The following RPSA2 variants were observed in gnomAD, a reference collection of about 807,000 sequenced individuals.
The protein encoded by RPSA2 is ribosomal protein SA 2.
the RPSA2 span, among the ~76,000 whole-genome samples, chr19:23,792,749 G>A: frequency 2.0e-4 from 31 of 151,842 alleles, no homozygotes; most frequent in Admixed American, 2.0e-3. Context: ...TCCTGACCTC[G>A]TGATCTGCCC....
At chr19:23,784,343 G>C in the RPSA2 span, among the ~76,000 whole-genome samples, 1 of 152,152 alleles carries the variant, frequency 6.6e-6, no homozygotes, top group Non-Finnish European at 1.5e-5. Context: ...CTCACACATG[G>C]GCAGAGCCCA....
chr19:23,775,406 T>C, the RPSA2 span, among the ~76,000 whole-genome samples: 2 of 152,172 alleles, frequency 1.3e-5, no homozygotes, highest in Admixed American at 1.3e-4. Flanking sequence ...TTAACTCTCA[T>C]ATCTGGGCAT....
the RPSA2 span, among the ~76,000 whole-genome samples, chr19:23,804,336 G>A: frequency 0.98 from 145,900 of 149,298 alleles, 71,397 homozygotes; most frequent in Middle Eastern, 1. Context: ...TTGCTCTGTC[G>A]CCCAGGCTGG....
At chr19:23,806,612 C>A in the RPSA2 span, among the ~76,000 whole-genome samples, 1 of 151,378 alleles carries the variant, frequency 6.6e-6, no homozygotes, top group Non-Finnish European at 1.5e-5. Context: ...GGTGAAACCC[C>A]ATCCCTACAA....
At chr19:23,865,564 A>T in the RPSA2 span, among the ~76,000 whole-genome samples, 6 of 152,170 alleles carry the variant, frequency 3.9e-5, no homozygotes, top group Non-Finnish European at 8.8e-5. Flanking sequence ...TAAAAAACTC[A>T]TTTGTTCCTC....
the RPSA2 span, among the ~76,000 whole-genome samples, chr19:23,814,475 C>G: frequency 6.6e-6 from 1 of 152,120 alleles, no homozygotes; most frequent in African/African-American, 2.4e-5. Flanking sequence ...GTCAGTACCA[C>G]ATTGTGTTTG....
the RPSA2 span, among the ~76,000 whole-genome samples, chr19:23,801,385 T>C: frequency 2.0e-5 from 3 of 152,126 alleles, no homozygotes; most frequent in Admixed American, 1.3e-4. Flanking sequence ...ATTACAGGCA[T>C]GTGCCATCAC....
chr19:23,800,441 A>G, the RPSA2 span, among the ~76,000 whole-genome samples: 4 of 152,124 alleles, frequency 2.6e-5, no homozygotes, highest in Non-Finnish European at 5.9e-5. Context: ...ATAAGGTGCC[A>G]ACCAAGCTTT....
At chr19:23,840,129 C>A in the RPSA2 span, among the ~76,000 whole-genome samples, 1 of 152,254 alleles carries the variant, frequency 6.6e-6, no homozygotes, top group East Asian at 1.9e-4. Flanking sequence ...TGAATGTGTC[C>A]CAGGTCAAAA....
At chr19:23,798,714 T>C in the RPSA2 span, among the ~76,000 whole-genome samples, 1 of 152,212 alleles carries the variant, frequency 6.6e-6, no homozygotes. Context: ...CAGTAGATAT[T>C]AGTCTGCTAT....
chr19:23,828,143 A>G, the RPSA2 span: 1 of 685,434 alleles, frequency 1.5e-6, no homozygotes, highest in Non-Finnish European at 2.5e-6. Context: ...AAATGCTGCA[A>G]TAATTATGAG....
At chr19:23,761,424 G>C in the RPSA2 span, among the ~76,000 whole-genome samples, 1 of 152,058 alleles carries the variant, frequency 6.6e-6, no homozygotes. Context: ...TATGAGCTAT[G>C]GTTGTGCCAC....
the RPSA2 span, chr19:23,808,689 G>C: frequency 5.0e-6 from 3 of 594,942 alleles, no homozygotes; most frequent in South Asian, 4.4e-5. Flanking sequence ...ATATGAGCAA[G>C]ATTCATGTTA....
chr19:23,826,621 C>A, the RPSA2 span, among the ~76,000 whole-genome samples: 3 of 152,028 alleles, frequency 2.0e-5, no homozygotes, highest in African/African-American at 7.2e-5. Flanking sequence ...TTGCATAATG[C>A]CATCAAGATT....
the RPSA2 span, among the ~76,000 whole-genome samples, chr19:23,837,550 G>A: frequency 6.6e-6 from 1 of 152,072 alleles, no homozygotes; most frequent in Non-Finnish European, 1.5e-5. Flanking sequence ...ATTGCTTTTG[G>A]CAGTATGGTC....
chr19:23,834,317 G>A, the RPSA2 span, among the ~76,000 whole-genome samples: 1 of 3,364 alleles, frequency 3.0e-4, no homozygotes, highest in Non-Finnish European at 3.9e-3. Context: ...ATTACTTCAT[G>A]CTCTTCCATA....
chr19:23,859,083 C>T, the RPSA2 span, among the ~76,000 whole-genome samples: 17 of 152,322 alleles, frequency 1.1e-4, no homozygotes, highest in African/African-American at 4.1e-4. Context: ...ATTTCCTTGA[C>T]ATGAGATGAT....
the RPSA2 span, among the ~76,000 whole-genome samples, chr19:23,839,020 C>T: frequency 6.6e-6 from 1 of 151,596 alleles, no homozygotes; most frequent in African/African-American, 2.4e-5. Context: ...GTTCTTGTTT[C>T]TCTAGTTCCT....
At chr19:23,826,076 C>T in the RPSA2 span, among the ~76,000 whole-genome samples, 5 of 150,548 alleles carry the variant, frequency 3.3e-5, no homozygotes, top group Admixed American at 6.6e-5. Context: ...AATATTTAGT[C>T]ATATCAATTA....
Sources: gnomAD v4.1 joint callset for allele counts (sites outside exome capture counted in the v4.1 genomes callset) on GRCh38, gnomAD v4.1.1 for gene constraint, MANE v1.5 for transcripts, NCBI Gene and HGNC (gene_info 2026-07-23, HGNC 2026-07-21) for gene names.